Variants in NRG1 observed in about 807,000 individuals in gnomAD.
NRG1 encodes neuregulin 1.
A neutral mutation model predicts 63.8 loss-of-function variants in NRG1; 18 were observed. The ratio of observed to expected loss-of-function variants is 0.28; its 90% CI spans 0.19 to 0.42. The LOEUF (loss-of-function observed/expected upper bound fraction) is 0.42, where lower values mean the gene tolerates loss of function less well. Ranked by LOEUF, NRG1 falls within the 10% of genes least tolerant of loss-of-function variation. NRG1 has a pLI of 1.00. For synonymous variants in NRG1, 302 were observed against 301.3 expected (o/e 1.00, Z -0.02); for missense variants, 762 against 814.7 (o/e 0.94, Z 0.79).
intron 1 of NRG1, among the ~76,000 whole-genome samples, chr8:31,843,788 C>CT (rs1340321647): frequency 1.3e-5 from 2 of 152,168 alleles, no homozygotes; most frequent in African/African-American, 2.4e-5. Context: ...AAGGAAACTT[C>CT]TACTACCACT....
At chr8:31,644,218 A>G (rs1160933660) in intron 1 of NRG1, among the ~76,000 whole-genome samples, 6 of 152,210 alleles carry the variant, frequency 3.9e-5, no homozygotes, top group African/African-American at 1.4e-4. Flanking sequence ...GTAAATACAC[A>G]TGTAAATTTA....
rs1008379771 is a variant in NRG1 at position 32,176,987 on chromosome 8, C to T, written c.38-418841C>T. On this transcript the variant is annotated intron_variant, in intron 1 of 10. Coordinates refer to the NRG1 transcript ENST00000519301. ...GCCATCCCATTACTGGGTATATTCC[C>T]AAAGGATTATAAATCATGCTGCTAT... Among the ~76,000 whole-genome samples the T allele has an allele frequency of 2.6e-5, 4 of 152,088 alleles. No individual in the cohort carries two copies. The South Asian group carries it at 8.3e-4, about 31-fold the overall frequency.
chr8:32,419,088 G>C (rs761133681), intron 1 of NRG1, among the ~76,000 whole-genome samples: 14 of 152,150 alleles, frequency 9.2e-5, no homozygotes, highest in Non-Finnish European at 1.5e-5. Context: ...TTGAGAACAT[G>C]CTTCAGCACT....
intron 1 of NRG1, among the ~76,000 whole-genome samples, chr8:31,777,863 T>C (rs1819302061): frequency 6.6e-6 from 1 of 152,154 alleles, no homozygotes; most frequent in African/African-American, 2.4e-5. Flanking sequence ...AGTCATTACC[T>C]TGAGGATAGC....
intron 1 of NRG1, among the ~76,000 whole-genome samples, chr8:32,535,170 G>A (rs1386392649): frequency 6.6e-6 from 1 of 152,036 alleles, no homozygotes; most frequent in Non-Finnish European, 1.5e-5. Context: ...TTCTGTTTGG[G>A]TTATTTGTAC....
chr8:32,680,176 G>A (rs1749844325), intron 5 of NRG1, among the ~76,000 whole-genome samples: 1 of 152,142 alleles, frequency 6.6e-6, no homozygotes. Flanking sequence ...TGGTTGACTA[G>A]AAATTATCTT....
At chr8:32,755,012 C>A (rs561872273) in intron 8 of NRG1, among the ~76,000 whole-genome samples, 1 of 152,198 alleles carries the variant, frequency 6.6e-6, no homozygotes, top group East Asian at 1.9e-4. Flanking sequence ...ATGCAGTTTT[C>A]TGAGTTATAG....
intron 1 of NRG1, among the ~76,000 whole-genome samples, chr8:31,755,517 C>T (rs763138800): frequency 1.3e-5 from 2 of 152,090 alleles, no homozygotes; most frequent in Non-Finnish European, 2.9e-5. Flanking sequence ...AAGTTTCACT[C>T]ACATGCCATA....
At chr8:32,132,831 C>T (rs556503470) in intron 1 of NRG1, among the ~76,000 whole-genome samples, 216 of 152,122 alleles carry the variant, frequency 1.4e-3, no homozygotes, top group African/African-American at 4.6e-3. Context: ...TTTTAATTAA[C>T]GAAAAAGCAG....
chr8:31,741,605 A>T (rs1030572529), intron 1 of NRG1, among the ~76,000 whole-genome samples: 1 of 152,040 alleles, frequency 6.6e-6, no homozygotes, highest in African/African-American at 2.4e-5. Flanking sequence ...CTAATGGCCG[A>T]TAAACATTAA....
chr8:31,970,576 T>C (rs1353343384), intron 1 of NRG1, among the ~76,000 whole-genome samples: 1 of 152,188 alleles, frequency 6.6e-6, no homozygotes, highest in Non-Finnish European at 1.5e-5. Flanking sequence ...TACAGCACCC[T>C]GTGCAGTCAA....
At chr8:32,430,205 C>T (rs569406088) in intron 1 of NRG1, among the ~76,000 whole-genome samples, 154 of 152,268 alleles carry the variant, frequency 1.0e-3, no homozygotes, top group Non-Finnish European at 1.9e-3. Context: ...CCATTCCACA[C>T]GAATTCTCTT....
intron 1 of NRG1, among the ~76,000 whole-genome samples, chr8:31,748,024 C>G (rs149238355): frequency 6.6e-6 from 1 of 151,918 alleles, no homozygotes; most frequent in Non-Finnish European, 1.5e-5. Flanking sequence ...GCAAGGTCAA[C>G]TTTTAACCAT....
chr8:32,530,258 C>T (rs966856052), intron 1 of NRG1, among the ~76,000 whole-genome samples: 1 of 152,138 alleles, frequency 6.6e-6, no homozygotes, highest in African/African-American at 2.4e-5. Context: ...CAGGTGCCCG[C>T]CACCACGCCC....
intron 1 of NRG1, among the ~76,000 whole-genome samples, chr8:31,858,887 C>T (rs780018365): frequency 2.0e-5 from 3 of 152,158 alleles, no homozygotes; most frequent in African/African-American, 4.8e-5. Context: ...TGATCTCTCG[C>T]GAACTGACTC....
At chr8:32,743,284 G>T in intron 7 of NRG1, 3 of 923,962 alleles carry the variant, frequency 3.2e-6, no homozygotes, top group Non-Finnish European at 3.9e-6. Flanking sequence ...TTTTAAAAAA[G>T]CATCAAGTAG....
intron 1 of NRG1, among the ~76,000 whole-genome samples, chr8:32,433,652 A>G (rs1243895181): frequency 1.3e-5 from 2 of 152,186 alleles, no homozygotes; most frequent in Non-Finnish European, 2.9e-5. Context: ...TGTCTTGTAA[A>G]GGGTATTGTT....
intron 1 of NRG1, among the ~76,000 whole-genome samples, chr8:32,462,595 C>CTTT (rs58485445): frequency 2.9e-3 from 210 of 72,300 alleles, no homozygotes; most frequent in East Asian, 4.1e-3. Flanking sequence ...CACACTGATT[C>CTTT]TTTTTTTTTT....
At chr8:31,905,032 A>ATT (rs1264079855) in intron 1 of NRG1, among the ~76,000 whole-genome samples, 2 of 151,068 alleles carry the variant, frequency 1.3e-5, no homozygotes, top group African/African-American at 4.9e-5. Context: ...GTTTTTTTAA[A>ATT]AAAAAATAAG....
Sources: allele counts gnomAD v4.1 joint callset (sites outside exome capture counted in the v4.1 genomes callset), GRCh38; gene constraint gnomAD v4.1.1; transcripts MANE v1.5; gene names NCBI Gene and HGNC (gene_info 2026-07-23, HGNC 2026-07-21).